Variants in RAP1GAP2 observed in about 807,000 individuals in gnomAD.
RAP1GAP2 encodes the protein rap1 GTPase-activating protein 2.
Under a neutral mutation model 95.0 loss-of-function variants are expected in RAP1GAP2, and 27 were observed. The observed-to-expected ratio is 0.28, with a 90% CI of 0.21 to 0.39. The LOEUF is 0.39. Among genes scored for constraint, RAP1GAP2 ranks in the 10% least tolerant of loss-of-function variants. The pLI is 1.00. For missense variants in RAP1GAP2, 771 were observed against 970.0 expected, an observed-to-expected ratio of 0.79 and a Z score of 2.72; for synonymous variants, 373 against 380.9, an observed-to-expected ratio of 0.98 and a Z score of 0.24.
chr17:3,017,359 G>A (rs2046803460), intron 17 of RAP1GAP2, among the ~76,000 whole-genome samples: 1 of 151,948 alleles, frequency 6.6e-6, no homozygotes, highest in African/African-American at 2.4e-5. Context: ...GGCTGAGGGT[G>A]CATCTCTTTC....
intron 2 of RAP1GAP2, among the ~76,000 whole-genome samples, chr17:2,834,571 C>G (rs75263780): frequency 0.018 from 2,741 of 152,218 alleles, 34 homozygotes; most frequent in Middle Eastern, 0.024. Flanking sequence ...CTGGGGTGGG[C>G]AGATGGCTCG....
intron 3 of RAP1GAP2, among the ~76,000 whole-genome samples, chr17:2,925,179 T>A (rs1346955807): frequency 6.6e-6 from 1 of 152,142 alleles, no homozygotes; most frequent in Non-Finnish European, 1.5e-5. Context: ...TGATCTCTGT[T>A]CTTTGAAGAC....
intron 1 of RAP1GAP2, among the ~76,000 whole-genome samples, chr17:2,762,286 C>T (rs768634734): frequency 2.8e-4 from 42 of 151,842 alleles, no homozygotes; most frequent in Admixed American, 7.2e-4. Flanking sequence ...TGCGCCTGGC[C>T]GTCCATTTAT....
chr17:2,876,099 G>A (rs1414962482), intron 2 of RAP1GAP2, among the ~76,000 whole-genome samples: 4 of 151,576 alleles, frequency 2.6e-5, no homozygotes, highest in African/African-American at 7.3e-5. Context: ...CCCCACGCCC[G>A]GCTAATTTTT....
intron 1 of RAP1GAP2, among the ~76,000 whole-genome samples, chr17:2,784,251 G>A (rs766946374): frequency 6.6e-6 from 1 of 151,892 alleles, no homozygotes; most frequent in Non-Finnish European, 1.5e-5. Flanking sequence ...GGGATTACAG[G>A]CGTGAGCCAC....
intron 8 of RAP1GAP2, among the ~76,000 whole-genome samples, chr17:2,969,738 A>G (rs1381483492): frequency 6.6e-6 from 1 of 151,822 alleles, no homozygotes. Context: ...TCCTGACCTC[A>G]GGTGATCTGC....
chr17:2,909,887 G>A (rs1343118747), intron 3 of RAP1GAP2, among the ~76,000 whole-genome samples: 1 of 152,180 alleles, frequency 6.6e-6, no homozygotes, highest in Non-Finnish European at 1.5e-5. Flanking sequence ...TGTGTGTGGT[G>A]TGCCTGGCCC....
In RAP1GAP2 at chr17:3,013,627, C is replaced by CTTTTT. The variant is rs71377568; in HGVS notation, c.1495-4430_1495-4429insTTTTT. On this transcript the variant is annotated intron_variant, in intron 17 of 24. Coordinates refer to ENST00000254695, the MANE Select transcript of RAP1GAP2 (RefSeq NM_015085.5). ...AGCCTCTGAGTTTTTCTTTTCTTTT[C>CTTTTT]TTTTCTTTTTTTTTTTTTTTTTTTT... Among the ~76,000 whole-genome samples, 230 of 78,824 alleles carry CTTTTT rather than the reference C, an allele frequency of 2.9e-3. 5 individuals carry two copies. The highest frequency in any genetic ancestry group is 3.3e-3 in the Non-Finnish European group (142 of 42,420). The allele number at this position is 78,824 out of a possible 152,430, so 51.7% of individuals were successfully genotyped here.
chr17:2,839,402 A>G (rs115328635), intron 2 of RAP1GAP2, among the ~76,000 whole-genome samples: 2,941 of 152,294 alleles, frequency 0.019, 103 homozygotes, highest in African/African-American at 0.066. Flanking sequence ...CCAGTTCCCT[A>G]CAACTTACAT....
At position 2,933,160 on chromosome 17, in the gene RAP1GAP2, G is replaced by A. The variant is rs80090041; in HGVS notation, c.166-24599G>A. 4.8e-3 allele frequency among the ~76,000 whole-genome samples: 732 copies of A among 152,362 alleles called. 8 individuals are homozygous for A. The highest frequency in any genetic ancestry group is 0.017 in the African/African-American group (695 of 41,590). ...AGGGCGAGTGGAAGGAAATGGAGTC[G>A]TGTGGGCGGGTGAGCAAGTTGGAAA... On this transcript the variant is annotated intron_variant, in intron 3 of 24. Coordinates refer to ENST00000254695, the MANE Select transcript of RAP1GAP2 (RefSeq NM_015085.5).
rs2042211934 is a variant in RAP1GAP2 at position 2,906,811 on chromosome 17, C to T, written c.165+1443C>T. 6.6e-6 allele frequency among the ~76,000 whole-genome samples: 1 copy of T among 152,146 alleles called. No homozygotes were observed. Among genetic ancestry groups the T allele is most frequent in the Admixed American group, 6.6e-5 (1 of 15,266 alleles). ...GGCAGATTTTACTTACTCATGTACT[C>T]ATTTAATTCATTTAATACCCAGTAT... On this transcript the variant is annotated intron_variant, in intron 3 of 24. Transcript: ENST00000254695. The surrounding 1 kb of genome is among the most constrained non-coding windows in gnomAD (Gnocchi z 4.3).
chr17:2,960,768 A>T (rs901393617), intron 4 of RAP1GAP2, among the ~76,000 whole-genome samples: 3 of 152,202 alleles, frequency 2.0e-5, no homozygotes, highest in African/African-American at 7.2e-5. Context: ...GACCAGGCAG[A>T]CGCTGCTTCT....
chr17:2,826,570 G>T (rs966555964), intron 2 of RAP1GAP2, among the ~76,000 whole-genome samples: 6 of 151,956 alleles, frequency 3.9e-5, no homozygotes, highest in African/African-American at 1.4e-4. Flanking sequence ...GGGATGGATT[G>T]CGGAAGGGAG....
In RAP1GAP2 at chr17:2,939,580, C is replaced by T. The variant is rs187901404; in HGVS notation, c.166-18179C>T. On this transcript the variant is annotated intron_variant, in intron 3 of 24. Transcript: ENST00000254695. The stretch of plus-strand genomic sequence containing the variant: ...GAGCCTGCTGGAGTCTCCAAACACA[C>T]AAGACCCGGGGTCTCCTTCAGGCCC... Among the ~76,000 whole-genome samples the T allele has an allele frequency of 5.6e-3, 850 of 152,362 alleles. 11 individuals carry two copies. Among genetic ancestry groups the T allele is most frequent in the African/African-American group, 0.02 (816 of 41,586 alleles).
In RAP1GAP2 at chr17:3,004,941, A is replaced by G. The variant is rs2046287059; in HGVS notation, c.1201-428A>G. 1.3e-5 allele frequency among the ~76,000 whole-genome samples: 2 copies of G among 152,072 alleles called. No individual in the cohort carries two copies. The highest frequency in any genetic ancestry group is 6.5e-5 in the Admixed American group (1 of 15,268). ...CTGGATGCTCTGTTCCTCTGCGGCT[A>G]ATCACCTGTGGGACTTGGGGGCTTC... On this transcript the variant is annotated intron_variant, in intron 14 of 24. Transcript: ENST00000254695. The surrounding 1 kb of genome is among the most constrained non-coding windows in gnomAD (Gnocchi z 4.1).
chr17:3,017,944 T>C (rs2046827850), intron 17 of RAP1GAP2, 117 bp from the exon 18 acceptor site: 2 of 863,474 alleles, frequency 2.3e-6, no homozygotes, highest in African/African-American at 1.7e-5. Flanking sequence ...TGTGTGTGTG[T>C]GTGTATGTGT....
chr17:2,866,662 C>A lies in RAP1GAP2; in HGVS notation c.81-38622C>A, dbSNP rs567233516. On this transcript the variant is annotated intron_variant, in intron 2 of 24. Coordinates refer to ENST00000254695, the MANE Select transcript of RAP1GAP2 (RefSeq NM_015085.5). The surrounding 1 kb of genome is among the most constrained non-coding windows in gnomAD (Gnocchi z 4.0). Reference sequence around the variant, plus strand: ...GTCGCCAGGCTGGAGTGCAGTGGTGCGATCTCGGCTCACTGCAGCCTCCGC... The same window carrying A: ...GTCGCCAGGCTGGAGTGCAGTGGTGAGATCTCGGCTCACTGCAGCCTCCGC... 1.3e-5 allele frequency among the ~76,000 whole-genome samples: 2 copies of A among 152,054 alleles called. No homozygotes were observed. Among genetic ancestry groups the A allele is most frequent in the African/African-American group, 4.8e-5 (2 of 41,376 alleles).
chr17:2,839,649 A>C (rs959605714), intron 2 of RAP1GAP2, among the ~76,000 whole-genome samples: 2 of 152,072 alleles, frequency 1.3e-5, no homozygotes, highest in African/African-American at 4.8e-5. Flanking sequence ...ACTGTTTCTC[A>C]GACTTTGCTT....
Position 2,907,565 on chromosome 17 carries a change from G to T in RAP1GAP2, c.165+2197G>T, listed in dbSNP as rs546654398. Among the ~76,000 whole-genome samples, 4 of 152,212 alleles carry T rather than the reference G, an allele frequency of 2.6e-5. No individual in the cohort carries two copies. The South Asian group carries it at 6.2e-4, about 24-fold the overall frequency. ...CAGGGGGAACGTAAGGTTAGGAGGT[G>T]GGGGGACTCTAACCTAGTCTCGGAG... On this transcript the variant is annotated intron_variant, in intron 3 of 24. Transcript: ENST00000254695.
Sources: allele counts gnomAD v4.1 joint callset (sites outside exome capture counted in the v4.1 genomes callset), GRCh38; gene constraint gnomAD v4.1.1; non-coding constraint Gnocchi (gnomAD v3.1); transcripts MANE v1.5; gene names NCBI Gene and HGNC (gene_info 2026-07-23, HGNC 2026-07-21).